Variants in TANC2 observed in about 807,000 individuals in gnomAD.
TANC2 encodes the protein tetratricopeptide repeat, ankyrin repeat and coiled-coil containing 2.
Under a neutral mutation model 210.5 loss-of-function variants are expected in TANC2, and 26 were observed. That is an observed-to-expected ratio of 0.12 (90% CI 0.09 to 0.17). The LOEUF is 0.17. Ranked by LOEUF, TANC2 falls within the 10% of genes least tolerant of loss-of-function variation. The pLI is 1.00. For missense variants in TANC2, 2,129 were observed against 2,608.9 expected, an observed-to-expected ratio of 0.82 and a Z score of 4.01; for synonymous variants, 931 against 967.1, an observed-to-expected ratio of 0.96 and a Z score of 0.69.
intron 5 of TANC2, among the ~76,000 whole-genome samples, chr17:63,186,085 T>C (rs1480019297): frequency 2.0e-5 from 3 of 152,204 alleles, no homozygotes; most frequent in Admixed American, 6.5e-5. Flanking sequence ...ATGAAACTTA[T>C]TCTTTTAAGG....
At chr17:62,999,800 AG>A (rs1340084401) in intron 1 of TANC2, among the ~76,000 whole-genome samples, 2 of 152,248 alleles carry the variant, frequency 1.3e-5, no homozygotes, top group African/African-American at 4.8e-5. Flanking sequence ...TGTTCATCAT[AG>A]CTCTGTTCAC....
At chr17:62,974,456 A>C (rs1209416626) in intron 1 of TANC2, among the ~76,000 whole-genome samples, 1 of 152,218 alleles carries the variant, frequency 6.6e-6, no homozygotes, top group African/African-American at 2.4e-5. Context: ...TGTTAGGCAG[A>C]CACCTTGTGT....
chr17:63,407,660 A>AT (rs1466396942), intron 21 of TANC2, among the ~76,000 whole-genome samples: 4 of 152,170 alleles, frequency 2.6e-5, no homozygotes, highest in African/African-American at 4.8e-5. Flanking sequence ...AGTGGTTCTG[A>AT]TTTTTTTAAT....
At chr17:63,312,434 G>A (rs771510853) in intron 9 of TANC2, among the ~76,000 whole-genome samples, 2 of 152,130 alleles carry the variant, frequency 1.3e-5, no homozygotes, top group Non-Finnish European at 2.9e-5. Flanking sequence ...GCAGCTAAAG[G>A]TCATTATCCT....
At position 63,376,391 on chromosome 17, in the gene TANC2, G is replaced by C. The variant is rs184158786; in HGVS notation, c.2583-3327G>C. Among the ~76,000 whole-genome samples the C allele has an allele frequency of 7.2e-5, 11 of 152,218 alleles. No individual in the cohort carries two copies. The East Asian group carries it at 2.1e-3, about 29-fold the overall frequency. ...TCATAGGGGCAGTTTCCCCCATGCTGTTCTCGTGATAGCTGATAGTTTTAT... is the reference window on the plus strand; with the variant it reads ...TCATAGGGGCAGTTTCCCCCATGCTCTTCTCGTGATAGCTGATAGTTTTAT... On this transcript the variant is annotated intron_variant, in intron 14 of 27. Transcript: ENST00000689528.
intron 11 of TANC2, among the ~76,000 whole-genome samples, chr17:63,327,611 A>C (rs1356561738): frequency 6.6e-6 from 1 of 152,198 alleles, no homozygotes; most frequent in Non-Finnish European, 1.5e-5. Context: ...TCTATATATA[A>C]ATATAAAGAC....
chr17:63,426,926 G>A (rs916396741), exon 28 of TANC2: 1 of 152,140 alleles, frequency 6.6e-6, no homozygotes, highest in South Asian at 2.1e-4. Context: ...AGTTAATTCT[G>A]GAAAATTCAG....
chr17:63,179,973 TAA>T (rs34426210), intron 5 of TANC2, among the ~76,000 whole-genome samples: 27,222 of 123,036 alleles, frequency 0.22, 2,809 homozygotes, highest in South Asian at 0.31. Context: ...TACATCTCTT[TAA>T]AAAAAAAAAA....
At chr17:62,967,667 AG>A (rs1568282281) in intron 1 of TANC2, 1 of 152,208 alleles carries the variant, frequency 6.6e-6, no homozygotes, top group African/African-American at 2.4e-5. Flanking sequence ...ATTTTTACAC[AG>A]GTGAAAATAT....
intron 8 of TANC2, among the ~76,000 whole-genome samples, chr17:63,243,640 C>A (rs1025965404): frequency 2.6e-5 from 4 of 152,178 alleles, no homozygotes; most frequent in African/African-American, 9.7e-5. Context: ...AATGATCACA[C>A]TTCTATAATT....
At chr17:63,044,811 T>G (rs185604962) in intron 2 of TANC2, among the ~76,000 whole-genome samples, 8 of 152,356 alleles carry the variant, frequency 5.3e-5, no homozygotes, top group Admixed American at 5.2e-4. Context: ...ATTTGTTTCC[T>G]TAATTTATAG....
chr17:63,001,794 C>T lies in TANC2; in HGVS notation c.-23-7743C>T, dbSNP rs376983253. ...AACTGCTGACCTCAAGTGATCTGCCCGCCTCTACCTCCCAAAGTGTTGAGA... is the reference window on the plus strand; with the variant it reads ...AACTGCTGACCTCAAGTGATCTGCCTGCCTCTACCTCCCAAAGTGTTGAGA... On this transcript the variant is annotated intron_variant, in intron 1 of 27. Transcript: ENST00000689528. Among the ~76,000 whole-genome samples the T allele has an allele frequency of 1.4e-3, 209 of 152,172 alleles. 1 individual carries two copies. The highest frequency in any genetic ancestry group is 4.9e-3 in the African/African-American group (202 of 41,530).
chr17:63,342,798 A>G (rs2046281829), intron 12 of TANC2, among the ~76,000 whole-genome samples: 2 of 152,178 alleles, frequency 1.3e-5, no homozygotes, highest in African/African-American at 4.8e-5. Context: ...AAAGAAGGCT[A>G]TCCAAATGCT....
intron 9 of TANC2, among the ~76,000 whole-genome samples, chr17:63,303,264 T>A (rs2146505559): frequency 6.6e-6 from 1 of 152,354 alleles, no homozygotes; most frequent in South Asian, 2.1e-4. Flanking sequence ...TATTTAGTGC[T>A]TCCTTCAGGA....
chr17:62,972,155 T>G (rs1188238669), intron 1 of TANC2, among the ~76,000 whole-genome samples: 2 of 152,154 alleles, frequency 1.3e-5, no homozygotes, highest in African/African-American at 4.8e-5. Flanking sequence ...GGAAACAAAT[T>G]TATTAGGTCA....
At chr17:63,070,291 C>T (rs1175182696) in intron 2 of TANC2, among the ~76,000 whole-genome samples, 3 of 152,124 alleles carry the variant, frequency 2.0e-5, no homozygotes, top group African/African-American at 4.8e-5. Context: ...TTCTTGGGCA[C>T]AGAGAAGATT....
At chr17:63,116,397 G>A (rs995377494) in intron 4 of TANC2, among the ~76,000 whole-genome samples, 7 of 152,306 alleles carry the variant, frequency 4.6e-5, no homozygotes, top group Non-Finnish European at 8.8e-5. Context: ...TCCCCTGGAA[G>A]GGGGAGCTCT....
chr17:63,342,632 C>T (rs187357481), intron 12 of TANC2, among the ~76,000 whole-genome samples: 23 of 151,908 alleles, frequency 1.5e-4, no homozygotes, highest in African/African-American at 5.3e-4. Context: ...AAAAATTAGC[C>T]GGGCATGGTG....
At chr17:63,154,955 A>G (rs1417322445) in intron 5 of TANC2, 1 of 152,148 alleles carries the variant, frequency 6.6e-6, no homozygotes, top group African/African-American at 2.4e-5. Context: ...CTGGAAGAAT[A>G]CACCAAACCG....
Sources: gnomAD v4.1 joint callset for allele counts (sites outside exome capture counted in the v4.1 genomes callset) on GRCh38, gnomAD v4.1.1 for gene constraint, MANE v1.5 for transcripts, NCBI Gene and HGNC (gene_info 2026-07-23, HGNC 2026-07-21) for gene names.